C5: variants seen among roughly 807,000 people sequenced by gnomAD.
C5 encodes C3 and PZP-like alpha-2-macroglobulin domain-containing protein 4.
Under a neutral mutation model 218.8 loss-of-function variants are expected in C5, and 140 were observed. That is an observed-to-expected ratio of 0.64 (90% CI 0.56 to 0.74). C5 has a LOEUF of 0.74. C5 is among the 30% of genes least tolerant of loss of function. C5 has a pLI of 0.00. For missense variants in C5, 1,700 were observed against 1,969.6 expected (o/e 0.86, Z 2.59); for synonymous variants, 614 against 682.3 (o/e 0.90, Z 1.56).
intron 1 of C5, among the ~76,000 whole-genome samples, chr9:121,048,734 C>T: frequency 8.2e-6 from 1 of 121,360 alleles, no homozygotes; most frequent in Non-Finnish European, 1.7e-5. Flanking sequence ...TCATAGTTTT[C>T]TTTGTCTTTC....
intron 20 of C5, among the ~76,000 whole-genome samples, chr9:121,002,300 A>G (rs11999843): frequency 1.4e-3 from 108 of 75,850 alleles, no homozygotes; most frequent in Middle Eastern, 7.1e-3. Flanking sequence ...GTATATATGT[A>G]TATATATATG....
intron 38 of C5, among the ~76,000 whole-genome samples, chr9:120,958,141 T>C (rs1326179313): frequency 6.6e-6 from 1 of 152,208 alleles, no homozygotes; most frequent in Non-Finnish European, 1.5e-5. Context: ...ATTGACTGAT[T>C]GAGAGGTAGC....
At chr9:120,983,484 C>T (rs2047010535) in intron 25 of C5, among the ~76,000 whole-genome samples, 1 of 152,156 alleles carries the variant, frequency 6.6e-6, no homozygotes, top group Non-Finnish European at 1.5e-5. Context: ...AGACTCAGAC[C>T]ACTTGACTTG....
At chr9:121,021,839 T>C (rs777751278) in intron 10 of C5, 145 bp from the exon 11 acceptor site, 1 of 749,346 alleles carries the variant, frequency 1.3e-6, no homozygotes, top group Non-Finnish European at 2.3e-6. Context: ...AGACAGAGAC[T>C]TACTACGTTG....
chr9:120,968,745 G>A (rs1160815200), intron 33 of C5, among the ~76,000 whole-genome samples: 1 of 152,106 alleles, frequency 6.6e-6, no homozygotes, highest in African/African-American at 2.4e-5. Flanking sequence ...GAGAGTAGGG[G>A]CTGTTTTTGA....
chr9:120,962,283 C>T (rs897225892), intron 36 of C5, among the ~76,000 whole-genome samples: 2 of 152,188 alleles, frequency 1.3e-5, no homozygotes, highest in Non-Finnish European at 2.9e-5. Flanking sequence ...ATAGAGCTAT[C>T]TGCAAAGTGT....
Position 121,020,054 on chromosome 9 carries a change from C to A in C5, c.1428G>T (p.Leu476Phe). Residue 476 changes from leucine to phenylalanine, a missense_variant, in exon 12 of 41, where the codon TTG becomes TTT. Transcript: ENST00000223642. ...TAATATTCAGATGTTCTCCCACTAG[C>A]AAAGCCTTATGGTTATCAGTCCAAT... ...YIDWTDNHKA[L>F]LVGEHLNIIV... 6.2e-7 allele frequency: 1 copy of A among 1,613,340 alleles called. No individual in the cohort carries two copies. Among genetic ancestry groups the A allele is most frequent in the Non-Finnish European group, 8.5e-7 (1 of 1,179,362 alleles).
At chr9:121,060,951 G>A in the C5 span, among the ~76,000 whole-genome samples, 1 of 152,190 alleles carries the variant, frequency 6.6e-6, no homozygotes, top group Non-Finnish European at 1.5e-5. Flanking sequence ...ACTTTGGGAT[G>A]TCGAGGCAGG....
At chr9:121,037,302 G>GTT (rs201849062) in intron 4 of C5, among the ~76,000 whole-genome samples, 11 of 136,740 alleles carry the variant, frequency 8.0e-5, no homozygotes, top group Admixed American at 4.4e-4. Context: ...TTGTTTTTTG[G>GTT]TTTTTTTTTT....
At chr9:121,055,663 C>T in the C5 span, among the ~76,000 whole-genome samples, 1 of 152,212 alleles carries the variant, frequency 6.6e-6, no homozygotes, top group South Asian at 2.1e-4. Context: ...TTGGTACGGA[C>T]TTGGTCCTGG....
In C5 at chr9:120,980,271, A is replaced by G; in HGVS notation, c.3487-17T>C. The G allele has an allele frequency of 6.2e-7, 1 of 1,612,622 alleles. No individual in the cohort carries two copies. On this transcript the variant is annotated splice_polypyrimidine_tract_variant and intron_variant, in intron 27 of 40. Coordinates refer to ENST00000223642, the MANE Select transcript of C5 (RefSeq NM_001735.3). ...GTCGATTTTCTGGAAACAAGAGAAGATACTTCAGTTTCTATGTCAAGCAAC... is the reference window on the plus strand; with the variant it reads ...GTCGATTTTCTGGAAACAAGAGAAGGTACTTCAGTTTCTATGTCAAGCAAC...
intron 40 of C5, among the ~76,000 whole-genome samples, chr9:120,953,376 C>T (rs1298475626): frequency 6.6e-6 from 1 of 152,194 alleles, no homozygotes; most frequent in African/African-American, 2.4e-5. Context: ...GCAGAAAGTA[C>T]ATCTATTTCA....
chr9:121,022,508 C>A (rs1437314265), intron 10 of C5, among the ~76,000 whole-genome samples: 1 of 148,818 alleles, frequency 6.7e-6, no homozygotes, highest in African/African-American at 2.4e-5. Flanking sequence ...AACCTACAAG[C>A]ATGTCCAAAC....
chr9:121,025,196 C>A (rs2047409072), intron 9 of C5, among the ~76,000 whole-genome samples: 1 of 152,116 alleles, frequency 6.6e-6, no homozygotes, highest in Non-Finnish European at 1.5e-5. Context: ...GAATTGGGTA[C>A]TGTTTTCCCA....
At chr9:121,027,499 T>C (rs1041142900) in intron 7 of C5, among the ~76,000 whole-genome samples, 2 of 152,138 alleles carry the variant, frequency 1.3e-5, no homozygotes, top group African/African-American at 4.8e-5. Flanking sequence ...AACAGATATA[T>C]AGACCAATGG....
the C5 span, among the ~76,000 whole-genome samples, chr9:121,063,410 G>T: frequency 6.6e-6 from 1 of 151,918 alleles, no homozygotes; most frequent in African/African-American, 2.4e-5. Context: ...TGTATGGTAA[G>T]ACGTAGCTCT....
chr9:121,071,887 G>A, the C5 span, among the ~76,000 whole-genome samples: 1 of 152,058 alleles, frequency 6.6e-6, no homozygotes, highest in Non-Finnish European at 1.5e-5. Context: ...TAAAAGCTTG[G>A]TCACCCTGAC....
At chr9:121,045,265 A>G (rs2047617609) in intron 2 of C5, among the ~76,000 whole-genome samples, 1 of 152,292 alleles carries the variant, frequency 6.6e-6, no homozygotes, top group African/African-American at 2.4e-5. Context: ...AGTAATATGC[A>G]TAGTCCTTTT....
At chr9:121,033,063 CACACATATATAT>C (rs1203011311) in intron 5 of C5, among the ~76,000 whole-genome samples, 1 of 149,536 alleles carries the variant, frequency 6.7e-6, no homozygotes, top group Non-Finnish European at 1.5e-5. Context: ...TGTGTGTATA[CACACATATATAT>C]ACACACACAC....
Sources: allele counts gnomAD v4.1 joint callset (sites outside exome capture counted in the v4.1 genomes callset), GRCh38; gene constraint gnomAD v4.1.1; transcripts MANE v1.5; gene names NCBI Gene and HGNC (gene_info 2026-07-23, HGNC 2026-07-21).